The following CDC25C variants were observed in gnomAD, a reference collection of about 807,000 sequenced individuals.
The protein encoded by CDC25C is M-phase inducer phosphatase 3.
CDC25C carries 48 observed loss-of-function variants against 52.5 expected under a neutral mutation model. The observed-to-expected ratio is 0.91, with a 90% CI of 0.72 to 1.16. The LOEUF is 1.16. CDC25C is among the 50% of genes most tolerant of loss of function. The pLI is 0.00. For synonymous variants in CDC25C, 187 were observed against 206.5 expected (o/e 0.91, Z 0.81); for missense variants, 510 against 566.1 (o/e 0.90, Z 1.01).
upstream of CDC25C, among the ~76,000 whole-genome samples, chr5:138,333,939 A>AT (rs765375535): frequency 9.3e-4 from 135 of 145,476 alleles, 1 homozygote; most frequent in African/African-American, 1.9e-3. Flanking sequence ...TCTTAAGAGT[A>AT]TTTTTTTTTT....
intron 8 of CDC25C, among the ~76,000 whole-genome samples, chr5:138,291,652 C>T (rs1482021400): frequency 6.6e-6 from 1 of 151,782 alleles, no homozygotes; most frequent in Non-Finnish European, 1.5e-5. Flanking sequence ...CTCCTGAGCT[C>T]AGGCAATCCG....
intron 10 of CDC25C, 50 bp from the exon 11 acceptor site, chr5:138,287,317 G>T (rs1561664925): frequency 1.5e-6 from 2 of 1,317,626 alleles, no homozygotes; most frequent in African/African-American, 1.4e-5. Context: ...CTCTGAGGGA[G>T]AGAAGGGTCA....
intron 7 of CDC25C, among the ~76,000 whole-genome samples, chr5:138,293,185 C>T (rs532742167): frequency 2.6e-5 from 4 of 152,286 alleles, no homozygotes; most frequent in South Asian, 2.1e-4. Flanking sequence ...TTCCAAACAT[C>T]GCCCTATGTC....
chr5:138,301,451 A>G (rs1407807530), intron 7 of CDC25C, among the ~76,000 whole-genome samples: 2 of 152,198 alleles, frequency 1.3e-5, no homozygotes, highest in Non-Finnish European at 2.9e-5. Context: ...GAATTTGTTA[A>G]AAACATTCCC....
intron 4 of CDC25C, among the ~76,000 whole-genome samples, chr5:138,327,573 G>T (rs1759994990): frequency 6.6e-6 from 1 of 151,808 alleles, no homozygotes; most frequent in Non-Finnish European, 1.5e-5. Context: ...GGAGGCAGAG[G>T]TTGCAGTAAG....
At chr5:138,338,268 A>C (rs1760862623) in exon 1 of CDC25C, 1 of 991,148 alleles carries the variant, frequency 1.0e-6, no homozygotes, top group Non-Finnish European at 1.4e-6. Context: ...GAGCGCTCAG[A>C]GCTGCTCCGG....
intron 7 of CDC25C, among the ~76,000 whole-genome samples, chr5:138,302,551 T>C (rs1370472363): frequency 4.6e-5 from 7 of 150,940 alleles, no homozygotes; most frequent in Non-Finnish European, 1.5e-5. Flanking sequence ...AATACAAAAT[T>C]AGCAAGGCGT....
intron 7 of CDC25C, among the ~76,000 whole-genome samples, chr5:138,314,732 C>G (rs1369502063): frequency 1.3e-5 from 2 of 150,070 alleles, no homozygotes; most frequent in Non-Finnish European, 3.0e-5. Context: ...CCTCAGCCTC[C>G]TGGGTAGCTG....
At chr5:138,299,356 C>T (rs544987408) in intron 7 of CDC25C, among the ~76,000 whole-genome samples, 28 of 148,060 alleles carry the variant, frequency 1.9e-4, no homozygotes, top group African/African-American at 6.2e-4. Flanking sequence ...ATTAGCCAGG[C>T]GTGGTAGGGT....
rs569393912 is a variant in CDC25C at position 138,327,766 on chromosome 5, G to A, written c.335+718C>T. 3.9e-5 allele frequency among the ~76,000 whole-genome samples: 6 copies of A among 151,994 alleles called. No homozygotes were observed. In the South Asian group the frequency reaches 1.0e-3, roughly 26 times the overall value. ...CACGTTACAAATAAAAAAAATTAAG[G>A]TCCAATGAAGTTAAAAAAAACTTGT... On this transcript the variant is annotated intron_variant, in intron 4 of 13. Coordinates refer to ENST00000323760, the MANE Select transcript of CDC25C (RefSeq NM_001790.5).
chr5:138,298,921 G>A (rs1229529947), intron 7 of CDC25C, among the ~76,000 whole-genome samples: 2 of 150,510 alleles, frequency 1.3e-5, no homozygotes, highest in African/African-American at 4.9e-5. Context: ...GGCCAGGTGT[G>A]GTGGCTCACA....
At chr5:138,287,677 T>C (rs905238929) in intron 10 of CDC25C, among the ~76,000 whole-genome samples, 22 of 152,204 alleles carry the variant, frequency 1.4e-4, no homozygotes, top group African/African-American at 4.8e-4. Context: ...GGAAAGGATA[T>C]GGAAGGGAAA....
At chr5:138,295,343 G>A (rs1029340103) in intron 7 of CDC25C, among the ~76,000 whole-genome samples, 12 of 152,280 alleles carry the variant, frequency 7.9e-5, no homozygotes, top group African/African-American at 2.9e-4. Flanking sequence ...AGGCATGGTA[G>A]CTCACACCTG....
At chr5:138,311,803 A>T (rs1450046787) in intron 7 of CDC25C, among the ~76,000 whole-genome samples, 1 of 152,224 alleles carries the variant, frequency 6.6e-6, no homozygotes, top group Non-Finnish European at 1.5e-5. Context: ...CAAATTATTT[A>T]TCTGATAAGG....
intron 6 of CDC25C, among the ~76,000 whole-genome samples, chr5:138,320,729 C>T (rs889115144): frequency 6.6e-6 from 1 of 151,688 alleles, no homozygotes; most frequent in African/African-American, 2.4e-5. Context: ...GCCTGGCCAA[C>T]ATGGTGAAAC....
chr5:138,331,138 A>AGCTTCCTTCCTCTCTTGG lies in CDC25C; in HGVS notation c.42_43insCCAAGAGAGGAAGGAAGC (p.Ser14_Ser15insProArgGluGluGlySer). ...GACCTAAAACTGGGTCCTGAGCCAG[A>AGCTTCCTTCCTCTCTTGG]GCTTCCTTCCTCTCTTGTGGATGAG... On this transcript the variant is annotated inframe_insertion, in exon 2 of 14. Transcript: ENST00000323760. 6.2e-7 allele frequency: 1 copy of AGCTTCCTTCCTCTCTTGG among 1,614,114 alleles called. No homozygotes were observed. Among genetic ancestry groups the AGCTTCCTTCCTCTCTTGG allele is most frequent in the African/African-American group, 1.3e-5 (1 of 75,022 alleles).
intron 7 of CDC25C, among the ~76,000 whole-genome samples, chr5:138,303,951 T>G (rs1213663230): frequency 6.6e-6 from 1 of 152,192 alleles, no homozygotes; most frequent in African/African-American, 2.4e-5. Context: ...CAAGAGCGAC[T>G]GCAGATTATA....
chr5:138,285,617 C>T lies in CDC25C; in HGVS notation c.*75G>A, dbSNP rs1580691602. The T allele has an allele frequency of 7.1e-7, 1 of 1,403,462 alleles. No individual in the cohort carries two copies. The highest frequency in any genetic ancestry group is 9.9e-7 in the Non-Finnish European group (1 of 1,009,672). The allele number at this position is 1,403,462 out of a possible 1,614,324, so 86.9% of individuals were successfully genotyped here. ...TTTAATAATCTTGGGTTTGGCCATC[C>T]AGAAGGCCTCTTTCTGCTCAGGGTT... On this transcript the variant is annotated 3_prime_UTR_variant, in exon 14 of 14. Transcript: ENST00000323760.
chr5:138,292,223 GT>G (rs1186915068), intron 7 of CDC25C, 107 bp from the exon 8 acceptor site: 29 of 814,592 alleles, frequency 3.6e-5, no homozygotes, highest in Non-Finnish European at 4.8e-5. Flanking sequence ...GTTTCCAGAT[GT>G]TAGGCCACAC....
Sources: gnomAD v4.1 joint callset for allele counts (sites outside exome capture counted in the v4.1 genomes callset) on GRCh38, gnomAD v4.1.1 for gene constraint, MANE v1.5 for transcripts, NCBI Gene and HGNC (gene_info 2026-07-23, HGNC 2026-07-21) for gene names.